USPL1: variants seen among roughly 807,000 people sequenced by gnomAD.
The protein encoded by USPL1 is SUMO-specific isopeptidase USPL1.
In USPL1, 27 loss-of-function variants were observed where a neutral mutation model predicts 51.5. The ratio of observed to expected loss-of-function variants is 0.52; its 90% CI spans 0.39 to 0.72. The LOEUF (loss-of-function observed/expected upper bound fraction) is 0.72, where lower values mean the gene tolerates loss of function less well. USPL1 is among the 30% of genes least tolerant of loss of function. USPL1 has a pLI of 0.00. For synonymous variants in USPL1, 451 were observed against 459.6 expected (o/e 0.98, Z 0.24); for missense variants, 1,226 against 1,268.0 (o/e 0.97, Z 0.50).
intron 3 of USPL1, among the ~76,000 whole-genome samples, chr13:30,624,308 TAAAAA>T (rs887713900): frequency 7.9e-5 from 12 of 151,838 alleles, no homozygotes; most frequent in Non-Finnish European, 1.2e-4. Flanking sequence ...TCACTTGTGT[TAAAAA>T]AGAAAAAAAA....
intron 3 of USPL1, among the ~76,000 whole-genome samples, chr13:30,626,376 T>C (rs770640049): frequency 4.6e-5 from 7 of 152,084 alleles, no homozygotes; most frequent in Non-Finnish European, 7.4e-5. Context: ...TTTCATAATA[T>C]GTGAAAATTA....
At chr13:30,653,825 T>C (rs1225373264) in intron 8 of USPL1, among the ~76,000 whole-genome samples, 2 of 152,236 alleles carry the variant, frequency 1.3e-5, no homozygotes, top group African/African-American at 4.8e-5. Context: ...TGGTAAAATA[T>C]TGAGTTTGTT....
intron 7 of USPL1, among the ~76,000 whole-genome samples, chr13:30,650,172 A>G (rs962369096): frequency 4.6e-5 from 7 of 152,220 alleles, no homozygotes; most frequent in Admixed American, 3.9e-4. Context: ...ACTAGAGTCT[A>G]GGGGAATCAA....
chr13:30,637,664 T>G, intron 4 of USPL1, 80 bp from the exon 5 acceptor site: 1 of 1,173,628 alleles, frequency 8.5e-7, no homozygotes, highest in Non-Finnish European at 1.2e-6. Context: ...GACTCAGCTT[T>G]CATTCTTGGG....
chr13:30,629,070 T>C (rs2137627710), intron 3 of USPL1, among the ~76,000 whole-genome samples: 1 of 152,346 alleles, frequency 6.6e-6, no homozygotes, highest in East Asian at 1.9e-4. Flanking sequence ...AACTTGTCCA[T>C]TTATACTAAA....
In USPL1 at chr13:30,660,042, G is replaced by A. The variant is rs1951236593; in HGVS notation, c.*686G>A. 1 of 152,468 alleles carries A rather than the reference G, an allele frequency of 6.6e-6. No individual in the cohort carries two copies. Among genetic ancestry groups the A allele is most frequent in the African/African-American group, 2.4e-5 (1 of 41,576 alleles). The allele number at this position is 152,468 out of a possible 1,614,324, so 9.4% of individuals were successfully genotyped here. On this transcript the variant is annotated 3_prime_UTR_variant, in exon 9 of 9. Transcript: ENST00000255304. ...CCTGCTGCTCTCAGACGGGGCCCTG[G>A]AGAGGATAGCTTCTATCCATAGGCA...
At chr13:30,657,231 C>T (rs1308113228) in intron 8 of USPL1, among the ~76,000 whole-genome samples, 1 of 152,162 alleles carries the variant, frequency 6.6e-6, no homozygotes, top group Non-Finnish European at 1.5e-5. Context: ...ATGTATGAAA[C>T]ATTCTGTTTT....
At chr13:30,653,034 A>T in intron 7 of USPL1, 114 bp from the exon 8 acceptor site, 3 of 1,068,822 alleles carry the variant, frequency 2.8e-6, no homozygotes, top group Non-Finnish European at 4.0e-6. Context: ...AAGAAAAATT[A>T]GTGCAGTTAG....
intron 8 of USPL1, among the ~76,000 whole-genome samples, chr13:30,654,864 A>T (rs1464987813): frequency 6.6e-6 from 1 of 151,914 alleles, no homozygotes; most frequent in Non-Finnish European, 1.5e-5. Flanking sequence ...TTATTCATTC[A>T]TATGTCTGTT....
chr13:30,624,776 A>T (rs1484502726), intron 3 of USPL1, among the ~76,000 whole-genome samples: 1 of 152,260 alleles, frequency 6.6e-6, no homozygotes, highest in African/African-American at 2.4e-5. Flanking sequence ...CAGAAAATAC[A>T]TCATGAAATA....
chr13:30,636,787 C>T (rs1950881878), intron 4 of USPL1, among the ~76,000 whole-genome samples: 1 of 152,200 alleles, frequency 6.6e-6, no homozygotes, highest in African/African-American at 2.4e-5. Flanking sequence ...GTAAGCCCAG[C>T]TACTCAGGAG....
Position 30,631,269 on chromosome 13 carries a change from T to TC in USPL1, c.667dup (p.Gln223ProfsTer52). 1 of 1,614,138 alleles carries TC rather than the reference T, an allele frequency of 6.2e-7. No homozygotes were observed. The highest frequency in any genetic ancestry group is 1.7e-5 in the Admixed American group (1 of 60,018). ...CACTGGAGAGCAAATGTACATCATT[T>TC]CCCCAGGCTTTATGTGTCCAGTGGA... On this transcript the variant is annotated frameshift_variant, in exon 4 of 9. Coordinates refer to ENST00000255304, the MANE Select transcript of USPL1 (RefSeq NM_005800.5). LOFTEE classifies it high-confidence loss of function.
chr13:30,644,880 T>C (rs1159853147), intron 6 of USPL1, among the ~76,000 whole-genome samples: 1 of 152,246 alleles, frequency 6.6e-6, no homozygotes, highest in Non-Finnish European at 1.5e-5. Context: ...GTTTTATTCA[T>C]ACCTAGGACT....
In USPL1 at chr13:30,659,256, A is replaced by G. The variant is rs1469308813; in HGVS notation, c.3179A>G (p.Asp1060Gly). Residue 1060 changes from aspartate (D) to glycine (G), a missense_variant, in exon 9 of 9, where the codon GAT (aspartate) becomes GGT (glycine). Transcript: ENST00000255304. ...TLNLESPMKTDIFDEFFSSSA... is the reference protein window; with the variant it reads ...TLNLESPMKTGIFDEFFSSSA... ...AACTTGGAGAGTCCGATGAAGACTGATATTTTCGATGAGTTTTTTTCCTCC... is the reference window on the plus strand; with the variant it reads ...AACTTGGAGAGTCCGATGAAGACTGGTATTTTCGATGAGTTTTTTTCCTCC... 6 of 1,614,044 alleles carry G rather than the reference A, an allele frequency of 3.7e-6. No individual in the cohort carries two copies. The Admixed American group carries it at 6.7e-5, about 18-fold the overall frequency.
At chr13:30,631,841 T>C (rs1430542883) in intron 4 of USPL1, among the ~76,000 whole-genome samples, 1 of 152,172 alleles carries the variant, frequency 6.6e-6, no homozygotes, top group Non-Finnish European at 1.5e-5. Context: ...TCTCCCAGCA[T>C]GTGGGAAAGA....
In USPL1 at chr13:30,658,081, G is replaced by A; in HGVS notation, c.2004G>A (p.Leu668=). 1 of 1,613,406 alleles carries A rather than the reference G, an allele frequency of 6.2e-7. No homozygotes were observed. ...ATACAAACATGCAGTCAGTACAGCTGAATACAGAAGATACTGTAAATACTA... is the reference window on the plus strand; with the variant it reads ...ATACAAACATGCAGTCAGTACAGCTAAATACAGAAGATACTGTAAATACTA... The part of the protein sequence containing the change: ...VVNTNMQSVQ[L]NTEDTVNTKS... Residue 668 remains leucine, a synonymous_variant, in exon 9 of 9, where the codon CTG becomes CTA. Coordinates refer to ENST00000255304, the MANE Select transcript of USPL1 (RefSeq NM_005800.5).
In USPL1 at chr13:30,646,167, T is replaced by C. The variant is rs184895156; in HGVS notation, c.1113-765T>C. On this transcript the variant is annotated intron_variant, in intron 6 of 8. Transcript: ENST00000255304. ...TGTTTAGAAAGGAAGCTTGTATCTC[T>C]TAAGTAGCTGCTCTTTAAATTACAA... 7.2e-5 allele frequency among the ~76,000 whole-genome samples: 11 copies of C among 152,348 alleles called. 1 individual carries two copies. The East Asian group carries it at 2.1e-3, about 29-fold the overall frequency.
At chr13:30,653,560 G>A (rs1335780674) in intron 8 of USPL1, among the ~76,000 whole-genome samples, 4 of 151,892 alleles carry the variant, frequency 2.6e-5, no homozygotes, top group Admixed American at 2.6e-4. Context: ...TTCTCTTTTA[G>A]ACAAAGGATG....
intron 8 of USPL1, among the ~76,000 whole-genome samples, chr13:30,654,580 T>C (rs1566060223): frequency 6.6e-6 from 1 of 152,326 alleles, no homozygotes; most frequent in African/African-American, 2.4e-5. Flanking sequence ...GTGTGGGTCA[T>C]GTGGTAGAGA....
Sources: gnomAD v4.1 joint callset for allele counts (sites outside exome capture counted in the v4.1 genomes callset) on GRCh38, gnomAD v4.1.1 for gene constraint, MANE v1.5 for transcripts, NCBI Gene and HGNC (gene_info 2026-07-23, HGNC 2026-07-21) for gene names.